The following THOC2 variants were observed in gnomAD, a reference collection of about 807,000 sequenced individuals.
The protein encoded by THOC2 is THO complex subunit 2, also known as THO complex 2.
Under a neutral mutation model 128.4 loss-of-function variants are expected in THOC2, and 10 were observed. The observed-to-expected ratio is 0.08, with a 90% CI of 0.05 to 0.13. THOC2 has a LOEUF of 0.13. Among genes scored for constraint, THOC2 ranks in the 10% least tolerant of loss-of-function variants. THOC2 has a pLI of 1.00. For missense variants in THOC2, 535 were observed against 1,155.7 expected (o/e 0.46, Z 7.79); for synonymous variants, 393 against 396.9 (o/e 0.99, Z 0.12).
intron 1 of THOC2, among the ~76,000 whole-genome samples, chrX:123,714,204 A>G (rs1252292012): frequency 1.8e-5 from 2 of 112,479 alleles, no homozygotes; most frequent in African/African-American, 3.2e-5. Context: ...ATTACCTTAA[A>G]TGTAACATCT....
intron 1 of THOC2, among the ~76,000 whole-genome samples, chrX:123,721,318 G>A (rs189963765): frequency 1.3e-4 from 14 of 108,849 alleles, no homozygotes; most frequent in Non-Finnish European, 2.7e-4. Context: ...GATTACAGGT[G>A]TGCACGACCA....
intron 16 of THOC2, 53 bp downstream of exon 16, chrX:123,640,485 T>C: frequency 1.1e-6 from 1 of 921,093 alleles, no homozygotes; most frequent in Non-Finnish European, 1.5e-6. Context: ...TGCACTGATT[T>C]AAAGGCAACA....
chrX:123,686,490 T>C (rs1001960864), intron 8 of THOC2, 58 bp downstream of exon 8: 8 of 962,851 alleles, frequency 8.3e-6, no homozygotes, highest in East Asian at 3.2e-5. Context: ...AATTAAATTA[T>C]ATAAACAAGA....
intron 1 of THOC2, among the ~76,000 whole-genome samples, chrX:123,731,610 C>T (rs1348296673): frequency 9.0e-6 from 1 of 111,701 alleles, no homozygotes; most frequent in Non-Finnish European, 1.9e-5. Flanking sequence ...ACTTATTATT[C>T]CCAATTTACT....
At chrX:123,696,529 T>C (rs1400026213) in intron 6 of THOC2, among the ~76,000 whole-genome samples, 192 bp downstream of exon 6, 1 of 111,491 alleles carries the variant, frequency 9.0e-6, no homozygotes, top group Non-Finnish European at 1.9e-5. Flanking sequence ...AAAGTAACAA[T>C]GGTTTTGCAC....
At position 123,665,797 on chromosome X, in the gene THOC2, C is replaced by T. The variant is rs756671668; in HGVS notation, c.1231G>A (p.Ala411Thr). ...TTTGGTGCTCTCTTGTTTTGCAAAG[C>T]ATTAACAGGTGAGCCTTTAGCACCT... ...PKGAKGSPVN[A>T]LQNKRAPKQA... The change falls in exon 12 of 39, where the codon GCT (alanine) becomes ACT (threonine). Residue 411 changes from alanine to threonine, a missense_variant. Ala to Thr is a moderately conservative substitution (Grantham distance 58). This residue lies in a region of THOC2 where 197 missense variants were observed against 313.4 expected (regional missense o/e 0.63). Coordinates refer to ENST00000245838, the MANE Select transcript of THOC2 (RefSeq NM_001081550.2). 4.2e-6 allele frequency: 5 copies of T among 1,186,148 alleles called. No individual in the cohort carries two copies. In the African/African-American group the frequency reaches 8.8e-5, roughly 21 times the overall value.
intron 2 of THOC2, among the ~76,000 whole-genome samples, chrX:123,710,873 C>T (rs1352210642): frequency 1.9e-5 from 2 of 104,000 alleles, no homozygotes; most frequent in Non-Finnish European, 3.9e-5. Flanking sequence ...GCCTGTAATC[C>T]TAGCTACTCG....
chrX:123,663,423 A>T (rs1329283603), intron 12 of THOC2, among the ~76,000 whole-genome samples: 1 of 111,301 alleles, frequency 9.0e-6, no homozygotes, highest in African/African-American at 3.3e-5. Context: ...CAATGGAAGG[A>T]GGGAACTTCT....
chrX:123,610,876 T>C (rs897550681), intron 38 of THOC2, 42 bp downstream of exon 38: 14 of 1,094,298 alleles, frequency 1.3e-5, no homozygotes, highest in South Asian at 2.0e-5. Context: ...ACTCATTTTA[T>C]GTTTCTATCA....
intron 17 of THOC2, 91 bp downstream of exon 17, chrX:123,638,843 G>C (rs2047794945): frequency 1.8e-6 from 1 of 542,590 alleles, no homozygotes; most frequent in East Asian, 3.7e-5. Context: ...AACCTCAGAT[G>C]GTTACTAAAG....
intron 1 of THOC2, among the ~76,000 whole-genome samples, chrX:123,717,148 G>A (rs2051459956): frequency 9.0e-6 from 1 of 111,696 alleles, no homozygotes. Context: ...AAGTGAAATT[G>A]TCTCTGCTGA....
chrX:123,686,429 T>A (rs1468910847), intron 8 of THOC2, 119 bp downstream of exon 8: 1 of 513,207 alleles, frequency 1.9e-6, no homozygotes, highest in African/African-American at 2.4e-5. Flanking sequence ...CATTTATCTA[T>A]CTCTTCTGCT....
intron 33 of THOC2, among the ~76,000 whole-genome samples, chrX:123,618,853 G>C (rs1270862894): frequency 9.0e-6 from 1 of 111,306 alleles, no homozygotes; most frequent in East Asian, 2.8e-4. Flanking sequence ...CTGTCCAGGG[G>C]AATGATTCTT....
At chrX:123,723,489 T>C (rs1022575259) in intron 1 of THOC2, among the ~76,000 whole-genome samples, 3 of 111,565 alleles carry the variant, frequency 2.7e-5, no homozygotes, top group Admixed American at 9.6e-5. Flanking sequence ...ATGTTTCTAT[T>C]GGCACTGTTA....
rs188416101 is a variant in THOC2, at chrX:123,610,897, A to C, written c.*18+21T>G. On this transcript the variant is annotated intron_variant, in intron 38 of 38. Coordinates refer to ENST00000245838, the MANE Select transcript of THOC2 (RefSeq NM_001081550.2). Reference sequence around the variant, plus strand: ...TTTATGTTTCTATCATTAAGTGAAAAGGTGGTGAGAGAACACTCACCTTGA... The same window carrying C: ...TTTATGTTTCTATCATTAAGTGAAACGGTGGTGAGAGAACACTCACCTTGA... The C allele has an allele frequency of 3.4e-6, 4 of 1,164,133 alleles. No homozygotes were observed. In the African/African-American group the frequency reaches 5.3e-5, roughly 16 times the overall value.
chrX:123,601,092 T>A lies in THOC2; in HGVS notation c.*265A>T, dbSNP rs1355070187. The A allele has an allele frequency of 8.9e-6, 1 of 112,494 alleles. No individual in the cohort carries two copies. The highest frequency in any genetic ancestry group is 1.9e-5 in the Non-Finnish European group (1 of 53,256). 9.3% of individuals were successfully genotyped at this position (112,494 alleles called of 1,213,427 possible). ...ACACAGGTAACCTTATGCAGCACAT[T>A]GTGCTAAAAGTATGGAACAGTTAAC... On this transcript the variant is annotated 3_prime_UTR_variant, in exon 39 of 39. Coordinates refer to ENST00000245838, the MANE Select transcript of THOC2 (RefSeq NM_001081550.2).
chrX:123,714,060 T>C (rs1217164478), intron 1 of THOC2, among the ~76,000 whole-genome samples: 1 of 111,241 alleles, frequency 9.0e-6, no homozygotes, highest in East Asian at 2.8e-4. Context: ...CCCAATCTCT[T>C]AAACAAACAA....
chrX:123,615,248 C>A (rs773851577), intron 33 of THOC2, among the ~76,000 whole-genome samples: 1 of 111,141 alleles, frequency 9.0e-6, no homozygotes, highest in African/African-American at 3.2e-5. Context: ...ATGAAGAAAT[C>A]CTTTGGTATT....
At position 123,672,143 on chromosome X, in the gene THOC2, G is replaced by A. The variant is rs746020998; in HGVS notation, c.769-382C>T. The stretch of plus-strand genomic sequence containing the variant: ...GTTTTTTTGTGTGTTTTTTGGTTTT[G>A]GAGGGTTTTTTTTGAGACAGGGTCT... On this transcript the variant is annotated intron_variant, in intron 8 of 38. Coordinates refer to ENST00000245838, the MANE Select transcript of THOC2 (RefSeq NM_001081550.2). Among the ~76,000 whole-genome samples, 60 of 110,138 alleles carry A rather than the reference G, an allele frequency of 5.4e-4. 1 individual carries two copies. Among genetic ancestry groups the A allele is most frequent in the African/African-American group, 1.9e-3 (59 of 30,386 alleles).
Sources: gnomAD v4.1 joint callset for allele counts (sites outside exome capture counted in the v4.1 genomes callset) on GRCh38, gnomAD v4.1.1 for gene constraint, gnomAD v4.1.1 regional missense constraint, MANE v1.5 for transcripts, NCBI Gene and HGNC (gene_info 2026-07-23, HGNC 2026-07-21) for gene names.